The following VAV1 variants were observed in gnomAD, a reference collection of about 807,000 sequenced individuals.
VAV1 encodes vav guanine nucleotide exchange factor 1.
A neutral mutation model predicts 128.1 loss-of-function variants in VAV1; 33 were observed. The ratio of observed to expected loss-of-function variants is 0.26; its 90% CI spans 0.20 to 0.34. VAV1 has a LOEUF of 0.34. VAV1 is among the 10% of genes least tolerant of loss of function. The pLI is 1.00. For missense variants in VAV1, 715 were observed against 1,093.7 expected (o/e 0.65, Z 4.88); for synonymous variants, 394 against 409.8 (o/e 0.96, Z 0.47).
In VAV1 at chr19:6,854,065, G is replaced by A; in HGVS notation, c.2451G>A (p.Gln817=). ...DIIKILNKKG[Q]QGWWRGEIYG... ...TCAAGATCCTTAACAAGAAGGGACAGCAAGGCTGGTGGCGAGGGGAGATCT... is the reference window on the plus strand; with the variant it reads ...TCAAGATCCTTAACAAGAAGGGACAACAAGGCTGGTGGCGAGGGGAGATCT... Residue 817 remains glutamine (Q), a synonymous_variant, in exon 26 of 27, where the codon CAG becomes CAA. Coordinates refer to ENST00000602142, the MANE Select transcript of VAV1 (RefSeq NM_005428.4). 1 of 1,613,768 alleles carries A rather than the reference G, an allele frequency of 6.2e-7. No homozygotes were observed. Among genetic ancestry groups the A allele is most frequent in the Non-Finnish European group, 8.5e-7 (1 of 1,180,014 alleles).
At position 6,822,414 on chromosome 19, in the gene VAV1, C is replaced by T; in HGVS notation, c.559-5C>T. On this transcript the variant is annotated splice_region_variant and splice_polypyrimidine_tract_variant and intron_variant, in intron 5 of 26. Coordinates refer to ENST00000602142, the MANE Select transcript of VAV1 (RefSeq NM_005428.4). This position sits in a 1 kb window ranked among gnomAD's most constrained non-coding sequence, Gnocchi z 5.9. Reference sequence around the variant, plus strand: ...CCCAACACCGGCCTCTCCCCTCGCTCTCAGCCCAAGATGACAGAGTATGAC... The same window carrying T: ...CCCAACACCGGCCTCTCCCCTCGCTTTCAGCCCAAGATGACAGAGTATGAC... 6.4e-7 allele frequency: 1 copy of T among 1,558,852 alleles called. No homozygotes were observed. Among genetic ancestry groups the T allele is most frequent in the Non-Finnish European group, 8.7e-7 (1 of 1,153,218 alleles).
chr19:6,790,365 T>C (rs1249146396), intron 1 of VAV1, among the ~76,000 whole-genome samples: 3 of 152,196 alleles, frequency 2.0e-5, no homozygotes, highest in Admixed American at 1.3e-4. Context: ...TTTTTGTTCC[T>C]TGTGGCTTTT....
intron 19 of VAV1, among the ~76,000 whole-genome samples, chr19:6,834,922 T>A (rs1309650303): frequency 6.6e-6 from 1 of 151,426 alleles, no homozygotes; most frequent in African/African-American, 2.4e-5. Flanking sequence ...AGACCCTGTG[T>A]CTACAAAAAC....
chr19:6,818,940 A>G (rs1971724179), intron 1 of VAV1, among the ~76,000 whole-genome samples: 1 of 152,122 alleles, frequency 6.6e-6, no homozygotes, highest in Non-Finnish European at 1.5e-5. Context: ...ACATGGTGAA[A>G]CCTCATCTCT....
chr19:6,808,690 T>A (rs1266501609), intron 1 of VAV1, among the ~76,000 whole-genome samples: 1 of 152,214 alleles, frequency 6.6e-6, no homozygotes, highest in African/African-American at 2.4e-5. Context: ...GAATTGCACA[T>A]TATCAGTTAG....
At chr19:6,812,759 G>A (rs1971540830) in intron 1 of VAV1, among the ~76,000 whole-genome samples, 1 of 152,016 alleles carries the variant, frequency 6.6e-6, no homozygotes, top group Non-Finnish European at 1.5e-5. Context: ...GATGCTCATG[G>A]TCATGAATAC....
intron 1 of VAV1, among the ~76,000 whole-genome samples, chr19:6,798,788 G>A (rs1336445007): frequency 6.6e-6 from 1 of 152,108 alleles, no homozygotes; most frequent in African/African-American, 2.4e-5. Context: ...TGGGATTACA[G>A]GTGTGTGCCA....
intron 1 of VAV1, among the ~76,000 whole-genome samples, chr19:6,790,050 C>T (rs556602850): frequency 5.9e-5 from 9 of 152,244 alleles, no homozygotes; most frequent in Admixed American, 2.0e-4. Context: ...TGGTGGCAGG[C>T]GCCTGTAATC....
intron 1 of VAV1, among the ~76,000 whole-genome samples, chr19:6,803,469 T>A (rs1971317477): frequency 6.6e-6 from 1 of 152,188 alleles, no homozygotes. Context: ...TAGCTAGTCC[T>A]CAATTTGGTC....
chr19:6,797,774 A>C (rs767665041), intron 1 of VAV1, among the ~76,000 whole-genome samples: 5 of 151,770 alleles, frequency 3.3e-5, no homozygotes, highest in Non-Finnish European at 5.9e-5. Context: ...AGTAGGAGCA[A>C]AAATATGACT....
chr19:6,814,671 C>CTTTCCTTCTTTCTTTCTTT (rs540074087), intron 1 of VAV1, among the ~76,000 whole-genome samples: 16 of 25,796 alleles, frequency 6.2e-4, no homozygotes, highest in South Asian at 1.4e-3. Flanking sequence ...TTCCTTCCTT[C>CTTTCCTTCTTTCTTTCTTT]CTTTCTTTCT....
At chr19:6,819,351 A>G (rs80301155) in intron 1 of VAV1, among the ~76,000 whole-genome samples, 3,575 of 152,328 alleles carry the variant, frequency 0.023, 61 homozygotes, top group South Asian at 0.042. Context: ...GTGCTGTTTC[A>G]TATCACAGAA....
chr19:6,848,034 C>A lies in VAV1; in HGVS notation c.2049C>A (p.Ser683Arg). Residue 683 changes from serine to arginine, a missense_variant, in exon 23 of 27, where the codon AGC (serine) becomes AGA (arginine). Ser to Arg is a moderately radical substitution (Grantham distance 110, BLOSUM62 -1). This residue lies in a region of VAV1 where 407 missense variants were observed against 580.6 expected (regional missense o/e 0.70). Transcript: ENST00000602142. ...CCATGGAGCGGGCAGGGGCAGAGAG[C>A]ATCCTGGCCAACCGCTCGGACGGGA... ...AGPMERAGAE[S>R]ILANRSDGTF... The A allele has an allele frequency of 6.5e-7, 1 of 1,535,162 alleles. No homozygotes were observed. The highest frequency in any genetic ancestry group is 8.7e-7 in the Non-Finnish European group (1 of 1,149,258).
At chr19:6,852,208 T>G (rs1432275409) in intron 24 of VAV1, among the ~76,000 whole-genome samples, 1 of 152,100 alleles carries the variant, frequency 6.6e-6, no homozygotes, top group Non-Finnish European at 1.5e-5. Context: ...AGAGATGGGA[T>G]CTTGCTATGT....
intron 1 of VAV1, among the ~76,000 whole-genome samples, chr19:6,794,647 G>T (rs903148610): frequency 7.9e-5 from 12 of 152,170 alleles, no homozygotes; most frequent in African/African-American, 2.7e-4. Flanking sequence ...CTATGTTCAG[G>T]TGTTGTTCTA....
At chr19:6,850,527 T>A in intron 23 of VAV1, 143 bp from the exon 24 acceptor site, 1 of 671,802 alleles carries the variant, frequency 1.5e-6, no homozygotes, top group Non-Finnish European at 2.6e-6. Context: ...CCCCAGGGAA[T>A]GGGCTCTGTT....
intron 1 of VAV1, among the ~76,000 whole-genome samples, chr19:6,776,322 ATCT>A (rs2144684754): frequency 1.8e-5 from 2 of 114,164 alleles, no homozygotes; most frequent in African/African-American, 7.6e-5. Flanking sequence ...CCATCCATCC[ATCT>A]GCTCATCCAT....
chr19:6,784,097 T>A, intron 1 of VAV1: 1 of 418,778 alleles, frequency 2.4e-6, no homozygotes, highest in Admixed American at 3.8e-5. Context: ...CTACAAAAAA[T>A]AAAAAAATAA....
chr19:6,780,967 G>A (rs919571518), intron 1 of VAV1, among the ~76,000 whole-genome samples: 1 of 150,968 alleles, frequency 6.6e-6, no homozygotes, highest in African/African-American at 2.4e-5. Context: ...GGAGTGCATT[G>A]GCACGATCTC....
Sources: allele counts gnomAD v4.1 joint callset (sites outside exome capture counted in the v4.1 genomes callset), GRCh38; gene constraint gnomAD v4.1.1; regional missense constraint gnomAD v4.1.1; non-coding constraint Gnocchi (gnomAD v3.1); transcripts MANE v1.5; gene names NCBI Gene and HGNC (gene_info 2026-07-23, HGNC 2026-07-21).